Variants in PRC1 observed in about 807,000 individuals in gnomAD.
The protein encoded by PRC1 is anaphase spindle elongation 1 homolog.
Under a neutral mutation model 91.2 loss-of-function variants are expected in PRC1, and 54 were observed. The ratio of observed to expected loss-of-function variants is 0.59; its 90% CI spans 0.48 to 0.74. The LOEUF (loss-of-function observed/expected upper bound fraction) is 0.74, where lower values mean the gene tolerates loss of function less well. Among genes scored for constraint, PRC1 ranks in the 30% least tolerant of loss-of-function variants. PRC1 has a pLI of 0.00. For synonymous variants in PRC1, 275 were observed against 263.6 expected, an observed-to-expected ratio of 1.04 and a Z score of -0.42; for missense variants, 727 against 746.2, an observed-to-expected ratio of 0.97 and a Z score of 0.30.
chr15:90,983,454 G>A (rs768027493), intron 3 of PRC1, among the ~76,000 whole-genome samples: 2 of 152,178 alleles, frequency 1.3e-5, no homozygotes, highest in African/African-American at 4.8e-5. Flanking sequence ...CTGACTTGCA[G>A]TGGACCACAA....
intron 8 of PRC1, among the ~76,000 whole-genome samples, chr15:90,977,536 G>C (rs2038825614): frequency 6.7e-6 from 1 of 149,690 alleles, no homozygotes; most frequent in Admixed American, 6.7e-5. Flanking sequence ...CTTAAATATT[G>C]GCATGTCAAC....
intron 1 of PRC1, among the ~76,000 whole-genome samples, chr15:90,990,137 A>C (rs1038345721): frequency 1.3e-5 from 2 of 151,954 alleles, no homozygotes; most frequent in Non-Finnish European, 2.9e-5. Flanking sequence ...GGAGTTTGAG[A>C]CCAGCCTGGC....
At chr15:90,990,395 T>G (rs1017875697) in intron 1 of PRC1, among the ~76,000 whole-genome samples, 1 of 116,322 alleles carries the variant, frequency 8.6e-6, no homozygotes, top group Non-Finnish European at 1.6e-5. Flanking sequence ...TAAATAATTT[T>G]TTTTTTTTTT....
rs761286511 is a variant in PRC1, at chr15:90,969,102, CAG to C, written c.1766_1767del (p.Ser589Ter). On this transcript the variant is annotated frameshift_variant, in exon 14 of 15. Transcript: ENST00000394249. LOFTEE classifies it high-confidence loss of function. ...YSEFAKDPSL[S>X]DSSTVGLQRE... is the part of the protein sequence containing the mutation. The stretch of plus-strand genomic sequence containing the variant: ...ACCTGAAGCCCAACAGTGGAACTGT[CAG>C]AGAGGGACGGATCCTTCTAAGAACA... The C allele has an allele frequency of 1.1e-4, 177 of 1,613,726 alleles. No homozygotes were observed. Among genetic ancestry groups the C allele is most frequent in the Non-Finnish European group, 1.5e-4 (172 of 1,179,810 alleles).
Position 90,984,893 on chromosome 15 carries a change from C to T in PRC1, c.12-68G>A, listed in dbSNP as rs1052225979. ...GCCTCTGGACTAAAAGCACTATTTT[C>T]GAGAACTAAAAAGACTAGCTTCTCA... On this transcript the variant is annotated intron_variant, in intron 1 of 14. Coordinates refer to ENST00000394249, the MANE Select transcript of PRC1 (RefSeq NM_003981.4). The surrounding 1 kb of genome is among the most constrained non-coding windows in gnomAD (Gnocchi z 5.1). 7 of 1,569,592 alleles carry T rather than the reference C, an allele frequency of 4.5e-6. 1 individual carries two copies. The highest frequency in any genetic ancestry group is 4.5e-5 in the East Asian group (2 of 44,100).
At chr15:90,980,497 T>A in intron 6 of PRC1, 108 bp from the exon 7 acceptor site, 2 of 1,165,238 alleles carry the variant, frequency 1.7e-6, no homozygotes, top group East Asian at 4.9e-5. Context: ...GCCACAAAGG[T>A]ATTATAAATC....
chr15:90,968,666 G>A, intron 14 of PRC1: 2 of 1,017,692 alleles, frequency 2.0e-6, no homozygotes, highest in Non-Finnish European at 2.4e-6. Context: ...AGCCCTGAGG[G>A]GTTAGGAAGG....
intron 1 of PRC1, among the ~76,000 whole-genome samples, chr15:90,990,031 A>G (rs1381893038): frequency 1.3e-5 from 2 of 152,056 alleles, no homozygotes; most frequent in Non-Finnish European, 2.9e-5. Context: ...ACACCCAGCT[A>G]ACTTAAACAA....
chr15:90,981,382 C>T, intron 5 of PRC1, 117 bp downstream of exon 5: 1 of 1,203,840 alleles, frequency 8.3e-7, no homozygotes, highest in African/African-American at 1.5e-5. Context: ...TCCTTAGCTT[C>T]CCTCATTCTC....
Position 90,974,071 on chromosome 15 carries a change from G to A in PRC1, c.1461+65C>T. Reference sequence around the variant, plus strand: ...TGTGGAGGGGCTGGCCCCCTTCAAAGAGGTGGCTGGGACTACCCTCACCCA... The same window carrying A: ...TGTGGAGGGGCTGGCCCCCTTCAAAAAGGTGGCTGGGACTACCCTCACCCA... On this transcript the variant is annotated intron_variant, in intron 11 of 14. Coordinates refer to ENST00000394249, the MANE Select transcript of PRC1 (RefSeq NM_003981.4). The surrounding 1 kb of genome is among the most constrained non-coding windows in gnomAD (Gnocchi z 4.6). The A allele has an allele frequency of 1.4e-6, 2 of 1,383,740 alleles. No homozygotes were observed. The highest frequency in any genetic ancestry group is 2.3e-5 in the South Asian group (2 of 85,426). 85.7% of individuals were successfully genotyped at this position (1,383,740 alleles called of 1,614,324 possible).
In PRC1 at chr15:90,966,856, T is replaced by C. The variant is rs1028089897; in HGVS notation, c.*275A>G. 1.7e-5 allele frequency: 9 copies of C among 521,304 alleles called. No homozygotes were observed. The highest frequency in any genetic ancestry group is 3.8e-5 in the African/African-American group (2 of 52,142). The allele number at this position is 521,304 out of a possible 1,614,324, so 32.3% of individuals were successfully genotyped here. A position where few individuals can be genotyped will look rare whatever the true frequency, so the allele number is the denominator to read the frequency against. ...GATCATGCTTCAGCAAGTAGAATTA[T>C]GTGGTAGAGAAGTCAGGCCCCATAT... On this transcript the variant is annotated 3_prime_UTR_variant, in exon 15 of 15. Transcript: ENST00000394249.
At chr15:90,978,596 A>G (rs1472145737) in intron 8 of PRC1, among the ~76,000 whole-genome samples, 1 of 151,952 alleles carries the variant, frequency 6.6e-6, no homozygotes, top group South Asian at 2.1e-4. Context: ...TACTAAAAAT[A>G]CAAAAAATTA....
intron 1 of PRC1, among the ~76,000 whole-genome samples, chr15:90,985,413 T>A (rs1160872900): frequency 6.6e-6 from 1 of 151,156 alleles, no homozygotes; most frequent in East Asian, 1.9e-4. Context: ...GTATTTTTAG[T>A]AGAGTTGGGG....
At chr15:90,973,321 T>C (rs911269980) in intron 11 of PRC1, among the ~76,000 whole-genome samples, 12 of 152,248 alleles carry the variant, frequency 7.9e-5, no homozygotes, top group Admixed American at 6.5e-4. Flanking sequence ...AACAATATGT[T>C]TACAGGCAGT....
At chr15:90,979,657 T>G (rs2039024095) in intron 7 of PRC1, among the ~76,000 whole-genome samples, 1 of 152,202 alleles carries the variant, frequency 6.6e-6, no homozygotes, top group South Asian at 2.1e-4. Context: ...TTAGTTGGGG[T>G]AGCTCCATCT....
In PRC1 at chr15:90,974,583, A is replaced by T; in HGVS notation, c.1350+2T>A. 1 of 1,613,452 alleles carries T rather than the reference A, an allele frequency of 6.2e-7. No homozygotes were observed. The highest frequency in any genetic ancestry group is 8.5e-7 in the Non-Finnish European group (1 of 1,179,930). ...CCAATTTGCGTTCACGTTCACACTT[A>T]CTCTTTCCTGCTTGGCTCTCTCTTT... On this transcript the variant is annotated splice_donor_variant, in intron 10 of 14. Coordinates refer to ENST00000394249, the MANE Select transcript of PRC1 (RefSeq NM_003981.4). LOFTEE classifies it high-confidence loss of function. This position sits in a 1 kb window ranked among gnomAD's most constrained non-coding sequence, Gnocchi z 4.6.
intron 1 of PRC1, among the ~76,000 whole-genome samples, chr15:90,993,849 G>A (rs751892473): frequency 3.9e-5 from 6 of 152,204 alleles, no homozygotes; most frequent in Non-Finnish European, 7.4e-5. Context: ...TTGGGAGGCC[G>A]AGGTGGCAGG....
intron 1 of PRC1, among the ~76,000 whole-genome samples, chr15:90,991,457 A>G (rs2039977359): frequency 6.6e-6 from 1 of 151,884 alleles, no homozygotes; most frequent in African/African-American, 2.4e-5. Flanking sequence ...TTACTAATAT[A>G]TAACGTATTT....
chr15:90,977,685 G>A (rs998824792), intron 8 of PRC1, among the ~76,000 whole-genome samples: 3 of 143,998 alleles, frequency 2.1e-5, no homozygotes, highest in Non-Finnish European at 4.5e-5. Flanking sequence ...CCGGGTTCAC[G>A]CCATTCTCCT....
Sources: gnomAD v4.1 joint callset for allele counts (sites outside exome capture counted in the v4.1 genomes callset) on GRCh38, gnomAD v4.1.1 for gene constraint, Gnocchi (gnomAD v3.1) non-coding constraint, MANE v1.5 for transcripts, NCBI Gene and HGNC (gene_info 2026-07-23, HGNC 2026-07-21) for gene names.